GPLD1: variants seen among roughly 807,000 people sequenced by gnomAD.
GPLD1 encodes the protein glycosylphosphatidylinositol specific phospholipase D1, also known as phosphatidylinositol-glycan-specific phospholipase D.
A neutral mutation model predicts 112.6 loss-of-function variants in GPLD1; 84 were observed. That is an observed-to-expected ratio of 0.75 (90% CI 0.63 to 0.89). The LOEUF is 0.89. Among genes scored for constraint, GPLD1 ranks in the 40% least tolerant of loss-of-function variants. The pLI, the probability that GPLD1 is intolerant of heterozygous loss-of-function variation, is 0.00. For synonymous variants in GPLD1, 386 were observed against 403.8 expected, an observed-to-expected ratio of 0.96 and a Z score of 0.53; for missense variants, 1,044 against 1,051.5, an observed-to-expected ratio of 0.99 and a Z score of 0.10.
intron 2 of GPLD1, among the ~76,000 whole-genome samples, chr6:24,480,463 C>T (rs1028233075): frequency 2.0e-5 from 3 of 152,076 alleles, no homozygotes; most frequent in Non-Finnish European, 4.4e-5. Context: ...GCTGGGATTA[C>T]AGGCATGAGC....
chr6:24,491,770 AT>A (rs896377652), upstream of GPLD1, among the ~76,000 whole-genome samples: 4 of 152,118 alleles, frequency 2.6e-5, no homozygotes, highest in Non-Finnish European at 4.4e-5. Context: ...CTCATTATGC[AT>A]TTTTTTGTAT....
intron 7 of GPLD1, among the ~76,000 whole-genome samples, chr6:24,470,371 C>T (rs995879890): frequency 2.0e-5 from 3 of 152,082 alleles, no homozygotes; most frequent in Admixed American, 1.3e-4. Flanking sequence ...ACAAGGTATC[C>T]TTTTGAAATT....
At chr6:24,467,391 G>A in intron 7 of GPLD1, 117 bp from the exon 8 acceptor site, 1 of 654,678 alleles carries the variant, frequency 1.5e-6, no homozygotes, top group Non-Finnish European at 2.7e-6. Context: ...CCATGTAAAA[G>A]TCTTTACATG....
chr6:24,473,521 G>T, intron 6 of GPLD1, 98 bp downstream of exon 6: 1 of 742,008 alleles, frequency 1.3e-6, no homozygotes, highest in Non-Finnish European at 2.4e-6. Context: ...CATGCAACCA[G>T]CAAAATATTA....
Position 24,460,279 on chromosome 6 carries a change from C to T in GPLD1, c.1008G>A (p.Pro336=), listed in dbSNP as rs367986530. 2.2e-5 allele frequency: 35 copies of T among 1,613,624 alleles called. No individual in the cohort carries two copies. Among genetic ancestry groups the T allele is most frequent in the South Asian group, 6.6e-5 (6 of 91,040 alleles). Residue 336 remains proline, a splice_region_variant and synonymous_variant, in exon 12 of 25, where the codon CCG becomes CCA. Transcript: ENST00000230036. ...TCAACTTAGAGCAGAAAATTCTTAC[C>T]GGGGTCCAGGAATTTACACTAAAGA... is the stretch of plus-strand genomic sequence containing the variant. ...GVFFSVNSWT[P]DSMSFIYKAL...
chr6:24,485,944 C>T, intron 2 of GPLD1, 131 bp downstream of exon 2: 3 of 603,078 alleles, frequency 5.0e-6, no homozygotes, highest in Non-Finnish European at 8.9e-6. Flanking sequence ...GCTGGGATTA[C>T]AGGCATGAGC....
At position 24,437,195 on chromosome 6, in the gene GPLD1, C is replaced by T. The variant is rs1390079599; in HGVS notation, c.2115G>A (p.Leu705=). 1 of 1,614,184 alleles carries T rather than the reference C, an allele frequency of 6.2e-7. No individual in the cohort carries two copies. Residue 705 remains leucine, a synonymous_variant, in exon 21 of 25, where the codon CTG becomes CTA. Transcript: ENST00000230036. The part of the protein sequence containing the change: ...YALTSDAQPL[L]LSTFSGDRRF... ...GGCGGTCTCCGCTGAAGGTGCTGAGCAGCAGAGGCTGCGCGTCAGATGTGA... is the reference window on the plus strand; with the variant it reads ...GGCGGTCTCCGCTGAAGGTGCTGAGTAGCAGAGGCTGCGCGTCAGATGTGA...
intron 4 of GPLD1, among the ~76,000 whole-genome samples, chr6:24,475,688 CAAAAAAA>C (rs35291266): frequency 5.3e-5 from 6 of 113,282 alleles, no homozygotes; most frequent in South Asian, 3.0e-4. Context: ...ACTAAAAATA[CAAAAAAA>C]AAAAAAAAAA....
intron 12 of GPLD1, among the ~76,000 whole-genome samples, chr6:24,459,889 A>G (rs1334683584): frequency 6.6e-6 from 1 of 152,160 alleles, no homozygotes; most frequent in Non-Finnish European, 1.5e-5. Context: ...TCTCCAGAAC[A>G]AACCACATAT....
intron 7 of GPLD1, among the ~76,000 whole-genome samples, chr6:24,469,587 A>T (rs9461021): frequency 0.063 from 7,036 of 110,826 alleles, 719 homozygotes; most frequent in African/African-American, 0.22. Context: ...ATGAGATCAC[A>T]TGGACACAGG....
intron 24 of GPLD1, among the ~76,000 whole-genome samples, chr6:24,430,436 C>T (rs1403486752): frequency 6.6e-6 from 1 of 152,180 alleles, no homozygotes; most frequent in Non-Finnish European, 1.5e-5. Context: ...ACCTAGACTA[C>T]AAGCACCTGG....
At position 24,427,390 on chromosome 6, in the gene GPLD1, GTCCC is replaced by G. The variant is rs1228849574; in HGVS notation, c.*1638_*1641del. 6.6e-6 allele frequency among the ~76,000 whole-genome samples: 1 copy of G among 152,162 alleles called. No homozygotes were observed. The highest frequency in any genetic ancestry group is 1.5e-5 in the Non-Finnish European group (1 of 68,020). ...CAAGTTGTAACCTAATGCGACAAAG[GTCCC>G]TCATGAGATGGCTTAAAACTAGCAG... On this transcript the variant is annotated 3_prime_UTR_variant, in exon 25 of 25. Coordinates refer to ENST00000230036, the MANE Select transcript of GPLD1 (RefSeq NM_001503.4).
intron 20 of GPLD1, among the ~76,000 whole-genome samples, chr6:24,440,758 A>C (rs1481297328): frequency 6.6e-6 from 1 of 151,422 alleles, no homozygotes; most frequent in Non-Finnish European, 1.5e-5. Context: ...AAGAAAATGT[A>C]TATACTATAT....
chr6:24,461,786 G>T (rs1448386884), intron 11 of GPLD1, among the ~76,000 whole-genome samples: 2 of 152,200 alleles, frequency 1.3e-5, no homozygotes, highest in Non-Finnish European at 1.5e-5. Flanking sequence ...AGCAGGAACT[G>T]TTTCTGTCTT....
intron 22 of GPLD1, among the ~76,000 whole-genome samples, chr6:24,434,837 C>CGAAAAAAAAAAA (rs1762519313): frequency 1.5e-5 from 1 of 65,470 alleles, no homozygotes. Context: ...GACTCCGTCT[C>CGAAAAAAAAAAA]AAAAAAAAAA....
intron 7 of GPLD1, among the ~76,000 whole-genome samples, chr6:24,470,760 G>A (rs1210296415): frequency 6.6e-6 from 1 of 152,000 alleles, no homozygotes; most frequent in Non-Finnish European, 1.5e-5. Flanking sequence ...CATCGTACCA[G>A]GCTAATTTTT....
intron 2 of GPLD1, among the ~76,000 whole-genome samples, chr6:24,481,058 C>T (rs749504230): frequency 7.9e-5 from 12 of 152,208 alleles, no homozygotes; most frequent in Non-Finnish European, 1.2e-4. Flanking sequence ...ATTTTACAAA[C>T]CGTGTATGAG....
At chr6:24,471,033 T>A (rs953374088) in intron 7 of GPLD1, among the ~76,000 whole-genome samples, 1 of 152,148 alleles carries the variant, frequency 6.6e-6, no homozygotes, top group East Asian at 1.9e-4. Flanking sequence ...AGGCAAAGAA[T>A]AGGCAAGGTA....
At chr6:24,482,445 TA>T (rs1016196991) in intron 2 of GPLD1, among the ~76,000 whole-genome samples, 1 of 152,070 alleles carries the variant, frequency 6.6e-6, no homozygotes, top group Non-Finnish European at 1.5e-5. Flanking sequence ...CACGCCCAGC[TA>T]ATTTTTGTAT....
Sources: allele counts gnomAD v4.1 joint callset (sites outside exome capture counted in the v4.1 genomes callset), GRCh38; gene constraint gnomAD v4.1.1; transcripts MANE v1.5; gene names NCBI Gene and HGNC (gene_info 2026-07-23, HGNC 2026-07-21).